The following DIAPH1 variants were observed in gnomAD, a reference collection of about 807,000 sequenced individuals.
DIAPH1 encodes the protein diaphanous related formin 1, also known as protein diaphanous homolog 1.
In DIAPH1, 46 loss-of-function variants were observed where a neutral mutation model predicts 140.7. That is an observed-to-expected ratio of 0.33 (90% confidence interval 0.26 to 0.42). DIAPH1 has a LOEUF of 0.42. DIAPH1 is among the 10% of genes least tolerant of loss of function. The pLI is 1.00. For missense variants in DIAPH1, 1,310 were observed against 1,558.7 expected (o/e 0.84, Z 2.69); for synonymous variants, 565 against 551.6 (o/e 1.02, Z -0.34).
chr5:141,576,157 T>A, intron 14 of DIAPH1, 73 bp downstream of exon 14: 1 of 1,281,712 alleles, frequency 7.8e-7, no homozygotes, highest in Non-Finnish European at 1.1e-6. Context: ...GAAAACTGTC[T>A]CATAGATCAG....
chr5:141,523,871 A>C (rs1297498819), intron 27 of DIAPH1, among the ~76,000 whole-genome samples: 48 of 151,816 alleles, frequency 3.2e-4, no homozygotes, highest in Admixed American at 3.2e-3. Context: ...TGGGTCCTGC[A>C]GCTCAGTTCC....
intron 18 of DIAPH1, among the ~76,000 whole-genome samples, chr5:141,542,989 G>T (rs1019652837): frequency 3.3e-5 from 5 of 151,674 alleles, no homozygotes; most frequent in Admixed American, 3.3e-4. Flanking sequence ...ATTACACTGT[G>T]ATTATAGAAC....
intron 18 of DIAPH1, among the ~76,000 whole-genome samples, chr5:141,543,410 G>A (rs970841817): frequency 7.9e-5 from 12 of 152,170 alleles, no homozygotes; most frequent in Non-Finnish European, 1.2e-4. Context: ...TCTTGTAAGC[G>A]TGATAAGAAT....
intron 1 of DIAPH1, among the ~76,000 whole-genome samples, chr5:141,603,952 G>C (rs1053275873): frequency 2.0e-5 from 3 of 152,158 alleles, no homozygotes; most frequent in African/African-American, 7.2e-5. Flanking sequence ...GAAAGGCCAC[G>C]CTGGTATCAC....
At chr5:141,539,749 CTTTAT>C (rs376484703) in intron 18 of DIAPH1, among the ~76,000 whole-genome samples, 8 of 152,026 alleles carry the variant, frequency 5.3e-5, no homozygotes, top group East Asian at 1.9e-4. Context: ...TTGTAATCCT[CTTTAT>C]TTTATTTCTG....
chr5:141,607,417 C>G (rs1307998745), intron 1 of DIAPH1, among the ~76,000 whole-genome samples: 1 of 152,164 alleles, frequency 6.6e-6, no homozygotes, highest in African/African-American at 2.4e-5. Flanking sequence ...ATCAAATAAA[C>G]TTAACTTTTT....
intron 18 of DIAPH1, among the ~76,000 whole-genome samples, chr5:141,570,130 T>A (rs890537442): frequency 4.2e-5 from 6 of 142,766 alleles, no homozygotes; most frequent in African/African-American, 1.6e-4. Flanking sequence ...GGAATACAAA[T>A]GCACCAAATA....
chr5:141,571,852 G>A (rs1330834642), intron 17 of DIAPH1, 74 bp downstream of exon 17: 1 of 1,047,698 alleles, frequency 9.5e-7, no homozygotes, highest in Non-Finnish European at 1.5e-6. Flanking sequence ...GGGAAGGGAA[G>A]GGAATAGGAA....
chr5:141,602,920 C>A (rs1292749370), intron 1 of DIAPH1, among the ~76,000 whole-genome samples: 2 of 152,078 alleles, frequency 1.3e-5, no homozygotes, highest in Non-Finnish European at 2.9e-5. Context: ...CTGACATCAC[C>A]ACTTATTGGT....
At chr5:141,517,034 T>C in intron 27 of DIAPH1, 26 bp from the exon 28 acceptor site, 1 of 1,613,722 alleles carries the variant, frequency 6.2e-7, no homozygotes, top group South Asian at 1.1e-5. Flanking sequence ...AGAGATTCTG[T>C]CTATGGAAGG....
intron 9 of DIAPH1, 100 bp from the exon 10 acceptor site, chr5:141,578,725 A>C (rs1213112311): frequency 3.4e-6 from 3 of 894,528 alleles, no homozygotes; most frequent in Non-Finnish European, 5.5e-6. Flanking sequence ...ACAACCTGAA[A>C]GATACAATAC....
At chr5:141,567,741 GAC>G (rs2099894593) in intron 18 of DIAPH1, among the ~76,000 whole-genome samples, 1 of 152,156 alleles carries the variant, frequency 6.6e-6, no homozygotes, top group African/African-American at 2.4e-5. Context: ...AAAAGAAAAA[GAC>G]CCTCAGATTC....
At position 141,529,312 on chromosome 5, in the gene DIAPH1, C is replaced by T. The variant is rs372570108; in HGVS notation, c.2677-39G>A. On this transcript the variant is annotated intron_variant, in intron 20 of 27. Coordinates refer to ENST00000389054, the MANE Select transcript of DIAPH1 (RefSeq NM_005219.5). Reference sequence around the variant, plus strand: ...GAGACATCTCAGCTGGAGGGGAATTCGCTAACAACTCAAGCCTAAACAACT... The same window carrying T: ...GAGACATCTCAGCTGGAGGGGAATTTGCTAACAACTCAAGCCTAAACAACT... The T allele has an allele frequency of 4.7e-5, 71 of 1,521,408 alleles. No individual in the cohort carries two copies. The African/African-American group carries it at 8.3e-4, about 18-fold the overall frequency. The allele number at this position is 1,521,408 out of a possible 1,614,324, so 94.2% of individuals were successfully genotyped here. A position where few individuals can be genotyped will look rare whatever the true frequency, so the allele number is the denominator to read the frequency against.
At chr5:141,521,628 A>T (rs1297458315) in intron 27 of DIAPH1, among the ~76,000 whole-genome samples, 1 of 152,170 alleles carries the variant, frequency 6.6e-6, no homozygotes, top group Non-Finnish European at 1.5e-5. Flanking sequence ...TTGAATAGGG[A>T]CAGCTGCCTC....
rs539415484 is a variant in DIAPH1, at chr5:141,618,987, C to G, written c.-73G>C. On this transcript the variant is annotated 5_prime_UTR_variant, in exon 1 of 28. Coordinates refer to ENST00000389054, the MANE Select transcript of DIAPH1 (RefSeq NM_005219.5). Reference sequence around the variant, plus strand: ...CTGGCAGCTCCGCGCCCGCCGCCGCCCAGTCGCTCTTTAGCCAGCCGCCGC... The same window carrying G: ...CTGGCAGCTCCGCGCCCGCCGCCGCGCAGTCGCTCTTTAGCCAGCCGCCGC... 1.2e-6 allele frequency: 1 copy of G among 828,672 alleles called. No individual in the cohort carries two copies. The highest frequency in any genetic ancestry group is 1.8e-5 in the African/African-American group (1 of 54,766). 51.3% of individuals were successfully genotyped at this position (828,672 alleles called of 1,614,324 possible). A position where few individuals can be genotyped will look rare whatever the true frequency, so the allele number is the denominator to read the frequency against.
chr5:141,582,827 A>T (rs993667559), intron 6 of DIAPH1, among the ~76,000 whole-genome samples: 8 of 152,198 alleles, frequency 5.3e-5, no homozygotes, highest in African/African-American at 1.9e-4. Context: ...ACCTAAAATT[A>T]TTCCAACCTT....
chr5:141,539,958 T>C (rs1284649336), intron 18 of DIAPH1, among the ~76,000 whole-genome samples: 1 of 151,844 alleles, frequency 6.6e-6, no homozygotes, highest in Non-Finnish European at 1.5e-5. Flanking sequence ...TCTTTCCTTC[T>C]GCTTGCTTTA....
In DIAPH1 at chr5:141,618,861, C is replaced by T. The variant is rs2154597566; in HGVS notation, c.54G>A (p.Lys18=). The T allele has an allele frequency of 3.9e-6, 6 of 1,530,856 alleles. No homozygotes were observed. Among genetic ancestry groups the T allele is most frequent in the Non-Finnish European group, 5.3e-6 (6 of 1,138,726 alleles). 94.8% of individuals were successfully genotyped at this position (1,530,856 alleles called of 1,614,324 possible). A position where few individuals can be genotyped will look rare whatever the true frequency, so the allele number is the denominator to read the frequency against. ...GCAGCTCATCTGGGCTCCGGCCCTT[C>T]TTCTTGTCCCGGGTCCCGCGGCCGG... ...LGPGRGTRDK[K]KGRSPDELPS... Residue 18 remains lysine (K), a synonymous_variant, in exon 1 of 28, where the codon AAG becomes AAA. Coordinates refer to ENST00000389054, the MANE Select transcript of DIAPH1 (RefSeq NM_005219.5).
chr5:141,559,716 G>C (rs2099893218), intron 18 of DIAPH1, among the ~76,000 whole-genome samples: 1 of 152,154 alleles, frequency 6.6e-6, no homozygotes. Flanking sequence ...TCTAGGATGT[G>C]GGTGGGGAAG....
Sources: allele counts gnomAD v4.1 joint callset (sites outside exome capture counted in the v4.1 genomes callset), GRCh38; gene constraint gnomAD v4.1.1; transcripts MANE v1.5; gene names NCBI Gene and HGNC (gene_info 2026-07-23, HGNC 2026-07-21).